The following LSAMP variants were observed in gnomAD, a reference collection of about 807,000 sequenced individuals.
LSAMP encodes limbic system-associated membrane protein.
LSAMP carries 7 observed loss-of-function variants against 38.6 expected under a neutral mutation model. The observed-to-expected ratio is 0.18, with a 90% CI of 0.10 to 0.34. LSAMP has a LOEUF of 0.34. LSAMP is among the 10% of genes least tolerant of loss of function. The probability of loss-of-function intolerance (pLI) is 1.00; values close to 1 mark genes in which losing one functional copy is unlikely to be tolerated. For synonymous variants in LSAMP, 154 were observed against 166.8 expected (o/e 0.92, Z 0.59); for missense variants, 313 against 420.0 (o/e 0.75, Z 2.23).
intron 1 of LSAMP, among the ~76,000 whole-genome samples, chr3:116,395,421 A>G (rs924633797): frequency 1.3e-5 from 2 of 152,234 alleles, no homozygotes; most frequent in Admixed American, 1.3e-4. Context: ...AGGATTTGAT[A>G]GTGTTTGATA....
At chr3:116,297,960 C>G (rs1202435853) in intron 1 of LSAMP, among the ~76,000 whole-genome samples, 1 of 152,150 alleles carries the variant, frequency 6.6e-6, no homozygotes, top group South Asian at 2.1e-4. Context: ...GTAGTCATAC[C>G]AGCTTTCCTG....
At chr3:116,014,592 C>A (rs1201290195) in intron 3 of LSAMP, among the ~76,000 whole-genome samples, 1 of 152,126 alleles carries the variant, frequency 6.6e-6, no homozygotes, top group East Asian at 1.9e-4. Context: ...CCTTTACCTG[C>A]AAAATGCATA....
chr3:116,385,920 T>TTACTAC (rs71616351), intron 1 of LSAMP, among the ~76,000 whole-genome samples: 199 of 151,012 alleles, frequency 1.3e-3, no homozygotes, highest in African/African-American at 3.5e-3. Context: ...ATTATTGACA[T>TTACTAC]TACTACTACT....
At chr3:116,411,426 C>A (rs2048975527) in intron 1 of LSAMP, among the ~76,000 whole-genome samples, 2 of 151,776 alleles carry the variant, frequency 1.3e-5, no homozygotes, top group Non-Finnish European at 2.9e-5. Context: ...CACATAGACA[C>A]CATGGAATAC....
At chr3:115,910,904 T>C (rs886951295) in intron 3 of LSAMP, among the ~76,000 whole-genome samples, 1 of 152,316 alleles carries the variant, frequency 6.6e-6, no homozygotes. Flanking sequence ...CAATGTTCAA[T>C]AGTAGAGTAG....
At chr3:116,098,819 G>A (rs1167586183) in intron 1 of LSAMP, among the ~76,000 whole-genome samples, 7 of 152,010 alleles carry the variant, frequency 4.6e-5, no homozygotes, top group Admixed American at 1.3e-4. Context: ...CAATCAGGTC[G>A]TAAATGGGAG....
chr3:116,257,539 T>C (rs2046767548), intron 1 of LSAMP, among the ~76,000 whole-genome samples: 2 of 152,292 alleles, frequency 1.3e-5, no homozygotes, highest in South Asian at 4.1e-4. Context: ...GAAACAATAA[T>C]GTTATTGCAC....
intron 1 of LSAMP, among the ~76,000 whole-genome samples, chr3:116,114,597 TAAGA>T (rs1013752512): frequency 2.0e-5 from 3 of 152,176 alleles, no homozygotes; most frequent in African/African-American, 7.2e-5. Flanking sequence ...ACCAGACACT[TAAGA>T]AAGCAGTAGT....
At chr3:116,226,988 G>A (rs1288211929) in intron 1 of LSAMP, among the ~76,000 whole-genome samples, 1 of 152,042 alleles carries the variant, frequency 6.6e-6, no homozygotes, top group East Asian at 1.9e-4. Flanking sequence ...GATTTTGTCT[G>A]TCCCTGACAT....
chr3:115,844,357 A>G (rs750236137), intron 4 of LSAMP, among the ~76,000 whole-genome samples: 13 of 152,290 alleles, frequency 8.5e-5, no homozygotes, highest in African/African-American at 3.1e-4. Context: ...TTTTGACTCT[A>G]CTTCTAACCA....
At chr3:115,879,559 A>C (rs1244880626) in intron 3 of LSAMP, among the ~76,000 whole-genome samples, 1 of 152,196 alleles carries the variant, frequency 6.6e-6, no homozygotes, top group Admixed American at 6.5e-5. Flanking sequence ...TCATCCATCA[A>C]GAAAACATAT....
At chr3:116,121,423 C>T (rs1224664901) in intron 1 of LSAMP, among the ~76,000 whole-genome samples, 9 of 152,132 alleles carry the variant, frequency 5.9e-5, no homozygotes, top group Non-Finnish European at 1.2e-4. Context: ...TTAACTTTAT[C>T]GAAACTTTCT....
chr3:116,423,485 C>T (rs1287706541), intron 1 of LSAMP, among the ~76,000 whole-genome samples: 7 of 152,160 alleles, frequency 4.6e-5, no homozygotes, highest in African/African-American at 1.4e-4. Flanking sequence ...GCACACATTC[C>T]TCTGGGGGAT....
intron 3 of LSAMP, among the ~76,000 whole-genome samples, chr3:115,896,564 C>T (rs1386514403): frequency 2.6e-5 from 4 of 151,940 alleles, no homozygotes; most frequent in Non-Finnish European, 5.9e-5. Context: ...CTGTCAAAAA[C>T]AGTGTAGAAT....
At chr3:116,388,244 A>G (rs2048649365) in intron 1 of LSAMP, among the ~76,000 whole-genome samples, 1 of 152,174 alleles carries the variant, frequency 6.6e-6, no homozygotes, top group Admixed American at 6.5e-5. Context: ...ATATGCATAC[A>G]TTGACCCTAT....
intron 1 of LSAMP, among the ~76,000 whole-genome samples, chr3:116,242,470 A>G (rs1252523574): frequency 6.6e-6 from 1 of 152,210 alleles, no homozygotes; most frequent in African/African-American, 2.4e-5. Context: ...AAGTGGGACA[A>G]CATCCCAAGT....
chr3:116,124,142 G>A (rs530533325), intron 1 of LSAMP, among the ~76,000 whole-genome samples: 38 of 152,262 alleles, frequency 2.5e-4, no homozygotes, highest in African/African-American at 8.4e-4. Context: ...TTCCACAAAT[G>A]TGCAAATATG....
intron 6 of LSAMP, among the ~76,000 whole-genome samples, chr3:115,822,937 G>A (rs1418398143): frequency 6.6e-6 from 1 of 152,196 alleles, no homozygotes; most frequent in Non-Finnish European, 1.5e-5. Flanking sequence ...GACAGTACCA[G>A]AATACTGCAG....
chr3:116,173,021 C>A, intron 1 of LSAMP, among the ~76,000 whole-genome samples: 1 of 152,082 alleles, frequency 6.6e-6, no homozygotes, highest in East Asian at 1.9e-4. Context: ...GTGCTATCCA[C>A]TAAATTCTCA....
Sources: gnomAD v4.1 joint callset for allele counts (sites outside exome capture counted in the v4.1 genomes callset) on GRCh38, gnomAD v4.1.1 for gene constraint, MANE v1.5 for transcripts, NCBI Gene and HGNC (gene_info 2026-07-23, HGNC 2026-07-21) for gene names.